Variants in ERBB4 observed in about 807,000 individuals in gnomAD.
ERBB4 encodes the protein erb-b2 receptor tyrosine kinase 4.
ERBB4 carries 42 observed loss-of-function variants against 158.0 expected under a neutral mutation model. That is an observed-to-expected ratio of 0.27 (90% CI 0.21 to 0.34). The LOEUF (loss-of-function observed/expected upper bound fraction) is 0.34, where lower values mean the gene tolerates loss of function less well. Ranked by LOEUF, ERBB4 falls within the 10% of genes least tolerant of loss-of-function variation. ERBB4 has a pLI of 1.00. For synonymous variants in ERBB4, 583 were observed against 558.7 expected (o/e 1.04, Z -0.61); for missense variants, 1,333 against 1,624.1 (o/e 0.82, Z 3.08).
At chr2:212,192,155 T>G (rs1443256276) in intron 1 of ERBB4, among the ~76,000 whole-genome samples, 1 of 125,556 alleles carries the variant, frequency 8.0e-6, no homozygotes, top group Admixed American at 1.0e-4. Flanking sequence ...TTATATATAT[T>G]ATATTATATG....
At chr2:211,765,078 C>T (rs1200846825) in intron 4 of ERBB4, among the ~76,000 whole-genome samples, 1 of 152,118 alleles carries the variant, frequency 6.6e-6, no homozygotes, top group African/African-American at 2.4e-5. Flanking sequence ...AAAGGTGCCC[C>T]TCCCCATCTC....
chr2:212,251,522 G>A (rs1157529900), intron 1 of ERBB4, among the ~76,000 whole-genome samples: 1 of 151,840 alleles, frequency 6.6e-6, no homozygotes, highest in African/African-American at 2.4e-5. Context: ...CAAAAATGAG[G>A]ATCAGTAGCT....
chr2:211,553,684 C>G (rs1219767066), intron 20 of ERBB4, among the ~76,000 whole-genome samples: 1 of 152,160 alleles, frequency 6.6e-6, no homozygotes, highest in Non-Finnish European at 1.5e-5. Context: ...ATAGGTAGCA[C>G]TGTTATCCCC....
chr2:211,424,710 T>G (rs1028565724), intron 22 of ERBB4, among the ~76,000 whole-genome samples: 2 of 152,136 alleles, frequency 1.3e-5, no homozygotes, highest in African/African-American at 2.4e-5. Flanking sequence ...AATAAGATAT[T>G]GACTAATTTT....
chr2:211,437,637 T>C (rs1010352868), intron 20 of ERBB4, among the ~76,000 whole-genome samples: 1 of 152,194 alleles, frequency 6.6e-6, no homozygotes, highest in Non-Finnish European at 1.5e-5. Context: ...TCTCACATAT[T>C]GGCCATGCGA....
At chr2:211,787,719 A>G (rs529400065) in intron 4 of ERBB4, among the ~76,000 whole-genome samples, 2 of 152,170 alleles carry the variant, frequency 1.3e-5, no homozygotes, top group Admixed American at 1.3e-4. Flanking sequence ...ATAGTTAGAT[A>G]CCAGCCTTAA....
intron 1 of ERBB4, among the ~76,000 whole-genome samples, chr2:212,523,310 C>A (rs780403496): frequency 6.6e-6 from 1 of 151,870 alleles, no homozygotes; most frequent in Non-Finnish European, 1.5e-5. Flanking sequence ...TTTCTAAATT[C>A]CTGCTGTGCC....
At chr2:211,967,947 T>C (rs935607027) in intron 2 of ERBB4, among the ~76,000 whole-genome samples, 2 of 152,094 alleles carry the variant, frequency 1.3e-5, no homozygotes, top group African/African-American at 2.4e-5. Flanking sequence ...GTTAACTGTA[T>C]AAAACAAGGT....
At chr2:212,396,235 A>T (rs2091022199) in intron 1 of ERBB4, among the ~76,000 whole-genome samples, 7 of 152,178 alleles carry the variant, frequency 4.6e-5, no homozygotes, top group Admixed American at 4.6e-4. Flanking sequence ...GGACAAAGGT[A>T]TATTTTGCTG....
At chr2:212,210,364 G>GAAAAA (rs2082897090) in intron 1 of ERBB4, among the ~76,000 whole-genome samples, 1 of 151,700 alleles carries the variant, frequency 6.6e-6, no homozygotes, top group African/African-American at 2.4e-5. Flanking sequence ...GTAAATAAAA[G>GAAAAA]AAAAAAATGA....
At chr2:212,515,819 G>A (rs1458023875) in intron 1 of ERBB4, among the ~76,000 whole-genome samples, 1 of 151,906 alleles carries the variant, frequency 6.6e-6, no homozygotes, top group Non-Finnish European at 1.5e-5. Flanking sequence ...CTTAATTTTT[G>A]ACCTTGCAAA....
Position 211,716,362 on chromosome 2 carries a change from CAAAAAAAAAAAAAAAAAA to C in ERBB4, c.884-2732_884-2715del, listed in dbSNP as rs534486221. Among the ~76,000 whole-genome samples the C allele has an allele frequency of 8.7e-4, 60 of 69,288 alleles. 1 individual carries two copies. The South Asian group carries it at 0.02, about 23-fold the overall frequency. The allele number at this position is 69,288 out of a possible 152,430, so 45.5% of individuals were successfully genotyped here. On this transcript the variant is annotated intron_variant, in intron 7 of 27. Coordinates refer to ENST00000342788, the MANE Select transcript of ERBB4 (RefSeq NM_005235.3). ...GGGCAACAACAGTGAAACTCTGTCT[CAAAAAAAAAAAAAAAAAA>C]AAAAAAAAAAAAAAGGCCGGGCGCA...
chr2:211,802,209 A>G (rs2105892484), intron 3 of ERBB4, among the ~76,000 whole-genome samples: 1 of 152,072 alleles, frequency 6.6e-6, no homozygotes, highest in Non-Finnish European at 1.5e-5. Context: ...CAGTGAGCCG[A>G]GATAGCGCCG....
intron 1 of ERBB4, among the ~76,000 whole-genome samples, chr2:212,212,549 A>C (rs2105930223): frequency 9.9e-6 from 1 of 101,304 alleles, no homozygotes; most frequent in South Asian, 2.6e-4. Context: ...TCTTCACAGA[A>C]TTAAAAAAAA....
At chr2:212,058,344 T>C (rs1432318201) in intron 2 of ERBB4, among the ~76,000 whole-genome samples, 1 of 152,130 alleles carries the variant, frequency 6.6e-6, no homozygotes, top group Non-Finnish European at 1.5e-5. Flanking sequence ...GATTCACAGC[T>C]GAATTCTACC....
intron 1 of ERBB4, among the ~76,000 whole-genome samples, chr2:212,418,466 T>G (rs1394780): frequency 0.23 from 35,462 of 151,084 alleles, 4,347 homozygotes; most frequent in Non-Finnish European, 0.26. Flanking sequence ...GTCTAAATTT[T>G]CACACTAGTT....
chr2:212,315,333 T>C (rs923533813), intron 1 of ERBB4, among the ~76,000 whole-genome samples: 1 of 151,314 alleles, frequency 6.6e-6, no homozygotes, highest in East Asian at 2.0e-4. Context: ...ACTGCAGCAA[T>C]TCAAAATGAG....
chr2:211,729,804 T>C (rs2074374815), intron 5 of ERBB4, among the ~76,000 whole-genome samples: 2 of 151,976 alleles, frequency 1.3e-5, no homozygotes, highest in Admixed American at 6.6e-5. Context: ...TGCTCAAATA[T>C]TTCATTACAT....
intron 19 of ERBB4, among the ~76,000 whole-genome samples, chr2:211,585,526 T>C (rs993374876): frequency 6.6e-6 from 1 of 152,078 alleles, no homozygotes; most frequent in African/African-American, 2.4e-5. Flanking sequence ...GTCATGATTT[T>C]TAAAAGTCAG....
Sources: allele counts gnomAD v4.1 joint callset (sites outside exome capture counted in the v4.1 genomes callset), GRCh38; gene constraint gnomAD v4.1.1; transcripts MANE v1.5; gene names NCBI Gene and HGNC (gene_info 2026-07-23, HGNC 2026-07-21).